Variants in GNG2 observed in about 807,000 individuals in gnomAD.
The protein encoded by GNG2 is G protein subunit gamma 2.
A neutral mutation model predicts 5.5 loss-of-function variants in GNG2; 5 were observed. The ratio of observed to expected loss-of-function variants is 0.91; its 90% CI spans 0.48 to 1.92. The LOEUF (loss-of-function observed/expected upper bound fraction) is 1.92. Among genes scored for constraint, GNG2 ranks in the 30% most tolerant of loss-of-function variants. The probability of loss-of-function intolerance (pLI) is 0.01; values close to 1 mark genes in which losing one functional copy is unlikely to be tolerated. For missense variants in GNG2, 55 were observed against 88.4 expected, an observed-to-expected ratio of 0.62 and a Z score of 1.52; for synonymous variants, 28 against 32.0, an observed-to-expected ratio of 0.88 and a Z score of 0.42.
chr14:51,965,019 A>C (rs1251781724), intron 3 of GNG2, among the ~76,000 whole-genome samples: 1 of 152,202 alleles, frequency 6.6e-6, no homozygotes, highest in Non-Finnish European at 1.5e-5. Context: ...CTCATAAATT[A>C]TTTCAGTCGG....
chr14:51,935,861 T>C (rs1887971196), intron 2 of GNG2, among the ~76,000 whole-genome samples: 1 of 152,032 alleles, frequency 6.6e-6, no homozygotes, highest in Non-Finnish European at 1.5e-5. Context: ...GAGAGCGATG[T>C]TTTCTGAGGC....
chr14:51,969,379 G>A lies in GNG2; in HGVS notation c.*2692G>A, dbSNP rs1486852041. On this transcript the variant is annotated 3_prime_UTR_variant, in exon 4 of 4. Coordinates refer to ENST00000556766, the MANE Select transcript of GNG2 (RefSeq NM_053064.5). Reference sequence around the variant, plus strand: ...ACCAAGTACTGTTTAATTTCAATCAGAAGATGCAAATACATACTTTGATCT... The same window carrying A: ...ACCAAGTACTGTTTAATTTCAATCAAAAGATGCAAATACATACTTTGATCT... 6.6e-6 allele frequency: 1 copy of A among 152,108 alleles called. No homozygotes were observed. The highest frequency in any genetic ancestry group is 1.5e-5 in the Non-Finnish European group (1 of 68,008). The allele number at this position is 152,108 out of a possible 1,614,324, so 9.4% of individuals were successfully genotyped here. A position where few individuals can be genotyped will look rare whatever the true frequency, so the allele number is the denominator to read the frequency against.
At chr14:51,830,391 A>G (rs1045768679) in intron 2 of GNG2, among the ~76,000 whole-genome samples, 3 of 152,110 alleles carry the variant, frequency 2.0e-5, no homozygotes, top group African/African-American at 7.2e-5. Context: ...CCAAGATTAT[A>G]TTTCTAGCAA....
At chr14:51,881,364 C>T (rs1884055436) in intron 2 of GNG2, among the ~76,000 whole-genome samples, 1 of 152,130 alleles carries the variant, frequency 6.6e-6, no homozygotes, top group African/African-American at 2.4e-5. Flanking sequence ...CTTGGAGTCT[C>T]ATTTGGTTCT....
chr14:51,875,454 A>G (rs1304205297), intron 1 of GNG2, among the ~76,000 whole-genome samples: 1 of 152,230 alleles, frequency 6.6e-6, no homozygotes, highest in African/African-American at 2.4e-5. Flanking sequence ...TTAGAATTCT[A>G]TTAAAACCAT....
chr14:51,932,933 T>C (rs1887751891), intron 2 of GNG2, among the ~76,000 whole-genome samples: 1 of 152,056 alleles, frequency 6.6e-6, no homozygotes, highest in African/African-American at 2.4e-5. Flanking sequence ...CTAAGTATCC[T>C]CATAAGAGAG....
upstream of GNG2, among the ~76,000 whole-genome samples, chr14:51,855,999 G>A (rs868530237): frequency 3.0e-4 from 45 of 152,162 alleles, no homozygotes; most frequent in African/African-American, 1.0e-3. Context: ...ATAGCAAAAT[G>A]CCATCTGTAC....
chr14:51,870,324 C>A (rs1232374386), intron 1 of GNG2, among the ~76,000 whole-genome samples: 1 of 151,732 alleles, frequency 6.6e-6, no homozygotes, highest in Non-Finnish European at 1.5e-5. Context: ...GCGAAAAACA[C>A]AGACTGGAGA....
intron 1 of GNG2, among the ~76,000 whole-genome samples, chr14:51,874,639 G>A (rs1207710433): frequency 6.6e-6 from 1 of 151,946 alleles, no homozygotes; most frequent in Admixed American, 6.6e-5. Flanking sequence ...GGAGGCTGAT[G>A]CAGGAGGATT....
intron 3 of GNG2, among the ~76,000 whole-genome samples, chr14:51,958,560 C>T (rs892755037): frequency 6.6e-6 from 1 of 151,676 alleles, no homozygotes; most frequent in Admixed American, 6.6e-5. Context: ...TTTCTACTTT[C>T]CGTATTTGTA....
chr14:51,830,497 G>T (rs1173647725), intron 2 of GNG2, among the ~76,000 whole-genome samples: 1 of 152,150 alleles, frequency 6.6e-6, no homozygotes, highest in African/African-American at 2.4e-5. Context: ...TGGAGCTCCT[G>T]ATCTTACCTT....
chr14:51,881,058 T>G (rs1333924863), intron 2 of GNG2, among the ~76,000 whole-genome samples: 1 of 151,110 alleles, frequency 6.6e-6, no homozygotes, highest in Admixed American at 6.6e-5. Flanking sequence ...CTTTCAGTTC[T>G]CCTGTGTTAC....
intron 2 of GNG2, among the ~76,000 whole-genome samples, chr14:51,949,656 A>G (rs763157023): frequency 4.6e-5 from 7 of 152,208 alleles, no homozygotes; most frequent in African/African-American, 9.7e-5. Context: ...GCTTTATCCA[A>G]TAGGATATCA....
intron 3 of GNG2, among the ~76,000 whole-genome samples, chr14:51,966,198 A>G (rs1288936476): frequency 1.6e-5 from 2 of 125,296 alleles, no homozygotes; most frequent in Non-Finnish European, 3.3e-5. Context: ...CAACAGAGCG[A>G]GACTGCATCT....
At chr14:51,869,445 A>G (rs1379866401) in intron 1 of GNG2, among the ~76,000 whole-genome samples, 1 of 152,188 alleles carries the variant, frequency 6.6e-6, no homozygotes, top group Non-Finnish European at 1.5e-5. Flanking sequence ...CATGGCGTCT[A>G]CAATTTTGGA....
chr14:51,876,240 G>A (rs762069425), intron 1 of GNG2, among the ~76,000 whole-genome samples: 5 of 151,894 alleles, frequency 3.3e-5, no homozygotes, highest in East Asian at 3.9e-4. Flanking sequence ...CACCTGGCCC[G>A]TTTAAATTTC....
In GNG2 at chr14:51,967,106, C is replaced by G. The variant is rs1050594173; in HGVS notation, c.*419C>G. 1.3e-5 allele frequency: 2 copies of G among 155,444 alleles called. No homozygotes were observed. The highest frequency in any genetic ancestry group is 4.8e-5 in the African/African-American group (2 of 41,382). The allele number at this position is 155,444 out of a possible 1,614,324, so 9.6% of individuals were successfully genotyped here. A position where few individuals can be genotyped will look rare whatever the true frequency, so the allele number is the denominator to read the frequency against. The stretch of plus-strand genomic sequence containing the variant: ...TACCCTTTGATAAGCTGAGCTGTCC[C>G]GTGTAGATGCAATTCGGTTTAATGG... On this transcript the variant is annotated 3_prime_UTR_variant, in exon 4 of 4. Coordinates refer to ENST00000556766, the MANE Select transcript of GNG2 (RefSeq NM_053064.5).
At chr14:51,862,674 C>G (rs921735615) in intron 1 of GNG2, among the ~76,000 whole-genome samples, 1 of 152,214 alleles carries the variant, frequency 6.6e-6, no homozygotes, top group Non-Finnish European at 1.5e-5. Flanking sequence ...AAACCTTGCC[C>G]GACGGGCATA....
chr14:51,841,485 A>G (rs771093571), intron 2 of GNG2: 15 of 701,336 alleles, frequency 2.1e-5, no homozygotes, highest in Non-Finnish European at 3.9e-5. Flanking sequence ...GGTAGATACT[A>G]TTTTTCTCTC....
Sources: allele counts gnomAD v4.1 joint callset (sites outside exome capture counted in the v4.1 genomes callset), GRCh38; gene constraint gnomAD v4.1.1; transcripts MANE v1.5; gene names NCBI Gene and HGNC (gene_info 2026-07-23, HGNC 2026-07-21).